ADPRHL1: variants seen among roughly 807,000 people sequenced by gnomAD.
ADPRHL1 encodes the protein inactive ADP-ribosyltransferase ARH2.
ADPRHL1 carries 43 observed loss-of-function variants against 44.1 expected under a neutral mutation model. That is an observed-to-expected ratio of 0.98 (90% CI 0.76 to 1.26). The LOEUF (loss-of-function observed/expected upper bound fraction) is 1.26, where lower values mean the gene tolerates loss of function less well. Ranked by LOEUF, ADPRHL1 falls within the 50% of genes most tolerant of loss-of-function variation. The pLI, the probability that ADPRHL1 is intolerant of heterozygous loss-of-function variation, is 0.00. For missense variants in ADPRHL1, 2,022 were observed against 2,496.9 expected, an observed-to-expected ratio of 0.81 and a Z score of 4.05; for synonymous variants, 878 against 1,017.4, an observed-to-expected ratio of 0.86 and a Z score of 2.61.
chr13:113,411,558 G>C (rs2043852285), intron 7 of ADPRHL1, among the ~76,000 whole-genome samples: 1 of 152,240 alleles, frequency 6.6e-6, no homozygotes, highest in African/African-American at 2.4e-5. Context: ...TGGCCACCCG[G>C]TCCAGCTCTT....
chr13:113,412,863 ACCCACCGCCAACAGCG>A, intron 7 of ADPRHL1, among the ~76,000 whole-genome samples: 7 of 51,792 alleles, frequency 1.4e-4, no homozygotes, highest in Non-Finnish European at 2.3e-4. Flanking sequence ...AGCTCGGTTC[ACCCACCGCCAACAGCG>A]CCCCGCAGAG....
intron 2 of ADPRHL1, among the ~76,000 whole-genome samples, chr13:113,439,644 T>A (rs1224926721): frequency 6.7e-6 from 1 of 149,546 alleles, no homozygotes; most frequent in East Asian, 2.0e-4. Context: ...GACAGGGTTT[T>A]GCCATGTTGG....
chr13:113,416,099 A>G (rs755298879), intron 7 of ADPRHL1, among the ~76,000 whole-genome samples: 8 of 151,298 alleles, frequency 5.3e-5, no homozygotes, highest in Middle Eastern at 3.4e-3. Context: ...GCATCATTGC[A>G]ACGGTCACCG....
chr13:113,412,425 G>A (rs1362632025), intron 7 of ADPRHL1, among the ~76,000 whole-genome samples: 4 of 152,208 alleles, frequency 2.6e-5, no homozygotes, highest in African/African-American at 9.6e-5. Flanking sequence ...TGATCCGCCT[G>A]CCTCGGCCTC....
intron 2 of ADPRHL1, among the ~76,000 whole-genome samples, chr13:113,444,056 G>A (rs1195981202): frequency 3.3e-5 from 5 of 152,258 alleles, no homozygotes; most frequent in Admixed American, 3.3e-4. Flanking sequence ...ACAAAGGAGG[G>A]GCCCCGCCTG....
Position 113,399,731 on chromosome 13 carries a change from G to C in ADPRHL1, c.*3647C>G, listed in dbSNP as rs1431958329. On this transcript the variant is annotated 3_prime_UTR_variant, in exon 8 of 8. Coordinates refer to ENST00000612156, the MANE Select transcript of ADPRHL1 (RefSeq NM_001394807.1). ...TTTTTTCTGACTAACCCATTTTAGG[G>C]TTGTTTATATACAAAGAAGAATATG... The C allele has an allele frequency of 6.6e-6, 1 of 152,012 alleles. No homozygotes were observed. The highest frequency in any genetic ancestry group is 1.5e-5 in the Non-Finnish European group (1 of 67,954). 9.4% of individuals were successfully genotyped at this position (152,012 alleles called of 1,614,324 possible).
intron 2 of ADPRHL1, among the ~76,000 whole-genome samples, chr13:113,437,681 G>GC (rs1566479276): frequency 6.6e-6 from 1 of 152,202 alleles, no homozygotes; most frequent in Non-Finnish European, 1.5e-5. Context: ...GCATTGATCT[G>GC]CCATGGCTGC....
intron 4 of ADPRHL1, 109 bp from the exon 5 acceptor site, chr13:113,425,288 G>C: frequency 1.8e-6 from 2 of 1,127,822 alleles, no homozygotes; most frequent in Non-Finnish European, 2.5e-6. Flanking sequence ...CGGGGAAGTG[G>C]CAATGCCCCC....
intron 7 of ADPRHL1, among the ~76,000 whole-genome samples, chr13:113,410,540 G>A (rs568713001): frequency 3.9e-5 from 6 of 152,328 alleles, no homozygotes; most frequent in Admixed American, 1.3e-4. Flanking sequence ...TGGGACGACT[G>A]TAAAAATAAA....
intron 7 of ADPRHL1, among the ~76,000 whole-genome samples, chr13:113,414,337 C>T (rs1458343784): frequency 2.0e-5 from 3 of 152,234 alleles, no homozygotes; most frequent in African/African-American, 4.8e-5. Flanking sequence ...ACACCAGAGG[C>T]CTGCACTGCC....
intron 3 of ADPRHL1, among the ~76,000 whole-genome samples, chr13:113,432,838 G>A (rs1050183504): frequency 3.3e-5 from 5 of 152,204 alleles, no homozygotes; most frequent in East Asian, 1.9e-4. Context: ...GGGACTGGGC[G>A]GTGCCAGGAC....
At chr13:113,423,503 G>A (rs1041724313) in intron 6 of ADPRHL1, among the ~76,000 whole-genome samples, 5 of 152,226 alleles carry the variant, frequency 3.3e-5, no homozygotes, top group South Asian at 2.1e-4. Flanking sequence ...CTGACCAAAC[G>A]GGGCCACATT....
Position 113,405,054 on chromosome 13 carries a change from G to C in ADPRHL1, c.4228C>G (p.Pro1410Ala), listed in dbSNP as rs563743120. 8.1e-7 allele frequency: 1 copy of C among 1,232,152 alleles called. No individual in the cohort carries two copies. Among genetic ancestry groups the C allele is most frequent in the Admixed American group, 4.2e-5 (1 of 23,714 alleles). The allele number at this position is 1,232,152 out of a possible 1,614,324, so 76.3% of individuals were successfully genotyped here. The change falls in exon 8 of 8, where the codon CCA (proline) becomes GCA (alanine). Residue 1410 changes from proline to alanine, a missense_variant. Around this residue, in one of 8 missense-constraint regions of ADPRHL1, gnomAD observed 1,221 missense variants for 1,517.8 expected, o/e 0.80. Coordinates refer to ENST00000612156, the MANE Select transcript of ADPRHL1 (RefSeq NM_001394807.1). Reference protein sequence around the residue: ...APSGSKVVLNPAKEPQTWWAQ... With the variant: ...APSGSKVVLNAAKEPQTWWAQ... ...CACCATGTCTGAGGCTCTTTTGCTG[G>C]GTTCAGCACAACCTTCGAGCCCGAC...
chr13:113,439,990 G>C (rs1292791662), intron 2 of ADPRHL1, among the ~76,000 whole-genome samples: 1 of 152,182 alleles, frequency 6.6e-6, no homozygotes, highest in Admixed American at 6.5e-5. Flanking sequence ...AGTCTAGCTA[G>C]AGGATTCTCA....
chr13:113,428,871 G>C (rs1321557007), intron 4 of ADPRHL1, 81 bp downstream of exon 4: 1 of 1,583,858 alleles, frequency 6.3e-7, no homozygotes, highest in East Asian at 2.2e-5. Context: ...AAAGTGCCTT[G>C]AAGTATTTGG....
At position 113,444,549 on chromosome 13, in the gene ADPRHL1, T is replaced by C; in HGVS notation, c.255A>G (p.Arg85=). 1.9e-6 allele frequency: 3 copies of C among 1,614,134 alleles called. No homozygotes were observed. Among genetic ancestry groups the C allele is most frequent in the African/African-American group, 2.7e-5 (2 of 75,016 alleles). The change falls in exon 2 of 8, where the codon AGA becomes AGG. Residue 85 remains arginine, a synonymous_variant. Coordinates refer to ENST00000612156, the MANE Select transcript of ADPRHL1 (RefSeq NM_001394807.1). ...GCTTCTCAACGATTTCCACATAGCA[T>C]CTCACCATCTCCCGGTACAGATCAT... ...CLDDLYREMV[R]CYVEIVEKLP...
chr13:113,434,319 G>C (rs1479029132), intron 2 of ADPRHL1, among the ~76,000 whole-genome samples: 3 of 151,766 alleles, frequency 2.0e-5, no homozygotes, highest in South Asian at 2.1e-4. Context: ...CACGTAGAGT[G>C]AACATAGGTG....
chr13:113,441,298 A>G lies in ADPRHL1; in HGVS notation c.379+3127T>C, dbSNP rs1299671825. 6.6e-6 allele frequency among the ~76,000 whole-genome samples: 1 copy of G among 152,034 alleles called. No individual in the cohort carries two copies. Among genetic ancestry groups the G allele is most frequent in the Non-Finnish European group, 1.5e-5 (1 of 68,022 alleles). ...ATTATTATTATCTTGTTTGTTTTCT[A>G]CCTGTACTGTCTAGTATTTGTCCCT... On this transcript the variant is annotated intron_variant, in intron 2 of 7. Transcript: ENST00000612156. This position sits in a 1 kb window ranked among gnomAD's most constrained non-coding sequence, Gnocchi z 6.0.
At position 113,408,016 on chromosome 13, in the gene ADPRHL1, G is replaced by A. The variant is rs568381300; in HGVS notation, c.1266C>T (p.Ala422=). Residue 422 remains alanine (A), a synonymous_variant, in exon 8 of 8, where the codon GCC becomes GCT. Coordinates refer to ENST00000612156, the MANE Select transcript of ADPRHL1 (RefSeq NM_001394807.1). ...GCTGGAAGCGCGTGGGCCGCTGGGT[G>A]GCCTCCTGGGTCTGGGGCTGGTGGC... ...RPSHQPQTQE[A]TQRPTRFQLL... 1.9e-5 allele frequency: 24 copies of A among 1,232,850 alleles called. No homozygotes were observed. The highest frequency in any genetic ancestry group is 1.3e-4 in the Admixed American group (3 of 23,736). 76.4% of individuals were successfully genotyped at this position (1,232,850 alleles called of 1,614,324 possible).
Sources: allele counts gnomAD v4.1 joint callset (sites outside exome capture counted in the v4.1 genomes callset), GRCh38; gene constraint gnomAD v4.1.1; regional missense constraint gnomAD v4.1.1; non-coding constraint Gnocchi (gnomAD v3.1); transcripts MANE v1.5; gene names NCBI Gene and HGNC (gene_info 2026-07-23, HGNC 2026-07-21).